UFL1: variants seen among roughly 807,000 people sequenced by gnomAD.
UFL1 encodes the protein E3 UFM1-protein ligase 1.
UFL1 carries 78 observed loss-of-function variants against 99.3 expected under a neutral mutation model. The observed-to-expected ratio is 0.79, with a 90% confidence interval of 0.65 to 0.95. The LOEUF (loss-of-function observed/expected upper bound fraction) is 0.95. Ranked by LOEUF, UFL1 falls within the 40% of genes least tolerant of loss-of-function variation. The pLI is 0.00. For missense variants in UFL1, 936 were observed against 937.0 expected, an observed-to-expected ratio of 1.00 and a Z score of 0.01; for synonymous variants, 335 against 322.2, an observed-to-expected ratio of 1.04 and a Z score of -0.42.
intron 6 of UFL1, among the ~76,000 whole-genome samples, chr6:96,529,467 A>G (rs1178371013): frequency 1.3e-5 from 2 of 152,190 alleles, no homozygotes; most frequent in Non-Finnish European, 2.9e-5. Flanking sequence ...TACTACATAT[A>G]TAGCACTGAT....
chr6:96,533,799 C>CAAA (rs5878435), intron 6 of UFL1, among the ~76,000 whole-genome samples: 19 of 113,702 alleles, frequency 1.7e-4, no homozygotes, highest in African/African-American at 3.8e-4. Context: ...TACTCAAAAG[C>CAAA]AAAAAAAAAA....
chr6:96,541,695 CAATT>C (rs1478602922), intron 11 of UFL1, among the ~76,000 whole-genome samples: 17 of 150,030 alleles, frequency 1.1e-4, no homozygotes, highest in African/African-American at 4.0e-4. Context: ...TTGCCTTACT[CAATT>C]GATGACTTAT....
intron 6 of UFL1, among the ~76,000 whole-genome samples, chr6:96,533,432 A>ACTTCCC (rs1395228090): frequency 2.0e-5 from 3 of 152,084 alleles, no homozygotes; most frequent in African/African-American, 7.2e-5. Context: ...GAAGGAATGA[A>ACTTCCC]CTACTGATGC....
intron 11 of UFL1, among the ~76,000 whole-genome samples, chr6:96,541,057 T>TG (rs935831503): frequency 1.3e-5 from 2 of 151,378 alleles, no homozygotes; most frequent in Non-Finnish European, 3.0e-5. Context: ...TGTAAGTAAC[T>TG]GGTGTATTCT....
rs560119007 is a variant in UFL1 at position 96,554,763 on chromosome 6, T to A, written c.*1260T>A. ...AATTAATTAAATTGCCAACTTGGCA[T>A]TATTATTAAACTTGATAGGAACGCA... On this transcript the variant is annotated 3_prime_UTR_variant, in exon 19 of 19. Coordinates refer to ENST00000369278, the MANE Select transcript of UFL1 (RefSeq NM_015323.5). 1 of 152,712 alleles carries A rather than the reference T, an allele frequency of 6.5e-6. No homozygotes were observed. The highest frequency in any genetic ancestry group is 1.9e-4 in the East Asian group (1 of 5,192). The allele number at this position is 152,712 out of a possible 1,614,324, so 9.5% of individuals were successfully genotyped here. A position where few individuals can be genotyped will look rare whatever the true frequency, so the allele number is the denominator to read the frequency against.
intron 11 of UFL1, among the ~76,000 whole-genome samples, 179 bp downstream of exon 11, chr6:96,540,834 TTGG>T (rs935888684): frequency 6.6e-6 from 1 of 151,546 alleles, no homozygotes; most frequent in African/African-American, 2.4e-5. Flanking sequence ...AATGGAAATA[TTGG>T]TGATTATGTT....
intron 9 of UFL1, among the ~76,000 whole-genome samples, chr6:96,538,368 TGTA>T (rs759628329): frequency 9.2e-5 from 14 of 151,812 alleles, no homozygotes; most frequent in South Asian, 6.2e-4. Flanking sequence ...ATGTGTGCCT[TGTA>T]GGTTTCAGTG....
At chr6:96,542,694 C>T (rs2127952129) in intron 11 of UFL1, among the ~76,000 whole-genome samples, 200 bp from the exon 12 acceptor site, 1 of 151,174 alleles carries the variant, frequency 6.6e-6, no homozygotes, top group African/African-American at 2.4e-5. Context: ...CAAAAGATTT[C>T]ATATTTTATT....
At chr6:96,531,137 C>T (rs552403030) in intron 6 of UFL1, among the ~76,000 whole-genome samples, 5 of 152,230 alleles carry the variant, frequency 3.3e-5, no homozygotes, top group Admixed American at 1.3e-4. Flanking sequence ...GGAACAGTTT[C>T]ATCCTGAAAC....
intron 12 of UFL1, among the ~76,000 whole-genome samples, chr6:96,545,745 T>G (rs1204928094): frequency 1.3e-5 from 2 of 151,300 alleles, no homozygotes; most frequent in African/African-American, 4.8e-5. Flanking sequence ...GGAAAACTCT[T>G]TATTATTTTC....
At position 96,540,619 on chromosome 6, in the gene UFL1, A is replaced by G; in HGVS notation, c.1243A>G (p.Lys415Glu). ...STLESVSTSK[K>E]DKKDERRRKA... is the part of the protein sequence containing the mutation. ...TTTAGAAAGCGTTAGTACAAGTAAA[A>G]AGGATAAAAAAGATGAGCGAAGAAG... The change falls in exon 11 of 19, where the codon AAG (lysine) becomes GAG (glutamate). Residue 415 changes from lysine to glutamate, a missense_variant. Physicochemically the swap from Lys to Glu is moderately conservative, Grantham distance 56. Coordinates refer to ENST00000369278, the MANE Select transcript of UFL1 (RefSeq NM_015323.5). 6.2e-7 allele frequency: 1 copy of G among 1,602,772 alleles called. No homozygotes were observed. The highest frequency in any genetic ancestry group is 8.5e-7 in the Non-Finnish European group (1 of 1,175,438).
intron 2 of UFL1, among the ~76,000 whole-genome samples, chr6:96,524,103 A>G (rs1483533840): frequency 1.3e-5 from 2 of 152,072 alleles, no homozygotes; most frequent in African/African-American, 4.8e-5. Context: ...AGGGAAATGA[A>G]TACCCTTCAT....
chr6:96,527,076 T>C (rs991319823), intron 5 of UFL1, among the ~76,000 whole-genome samples: 2 of 152,220 alleles, frequency 1.3e-5, no homozygotes, highest in South Asian at 2.1e-4. Flanking sequence ...AAATATCTTA[T>C]GTGTGATAAC....
At chr6:96,551,582 T>A in intron 16 of UFL1, 69 bp downstream of exon 16, 1 of 1,114,952 alleles carries the variant, frequency 9.0e-7, no homozygotes. Flanking sequence ...TGAGTAGATT[T>A]TTTTATCAGA....
In UFL1 at chr6:96,525,391, A is replaced by T. The variant is rs1343541230; in HGVS notation, c.347A>T (p.Asp116Val). 2 of 1,595,130 alleles carry T rather than the reference A, an allele frequency of 1.3e-6. No homozygotes were observed. Among genetic ancestry groups the T allele is most frequent in the Admixed American group, 1.7e-5 (1 of 58,048 alleles). ...CAGTTAGTGTTGGGACAACTGATAGATGAGTAAGTACAATAAAGTACAAAT... is the reference window on the plus strand; with the variant it reads ...CAGTTAGTGTTGGGACAACTGATAGTTGAGTAAGTACAATAAAGTACAAAT... ...HVQLVLGQLI[D>V]ENYLDRLAEE... The change falls in exon 4 of 19, where the codon GAT becomes GTT. Residue 116 changes from aspartate to valine, a missense_variant. By Grantham distance (152) the Asp-to-Val change is radical (BLOSUM62 -3). Coordinates refer to ENST00000369278, the MANE Select transcript of UFL1 (RefSeq NM_015323.5).
chr6:96,527,574 T>C (rs1435212157), intron 5 of UFL1, among the ~76,000 whole-genome samples: 2 of 152,156 alleles, frequency 1.3e-5, no homozygotes, highest in Non-Finnish European at 2.9e-5. Flanking sequence ...CCATTTATAG[T>C]ATAGATCTGT....
intron 6 of UFL1, among the ~76,000 whole-genome samples, chr6:96,530,731 C>T (rs1359377311): frequency 6.6e-6 from 1 of 152,172 alleles, no homozygotes; most frequent in Non-Finnish European, 1.5e-5. Flanking sequence ...AGGCTCAGTT[C>T]ATACTTTCCC....
intron 15 of UFL1, among the ~76,000 whole-genome samples, chr6:96,550,679 C>T (rs1770065553): frequency 6.6e-6 from 1 of 152,058 alleles, no homozygotes; most frequent in South Asian, 2.1e-4. Flanking sequence ...TTCCCTTCTT[C>T]TGCTTAAGAA....
chr6:96,554,151 A>C lies in UFL1; in HGVS notation c.*648A>C, dbSNP rs1466046530. 1 of 152,228 alleles carries C rather than the reference A, an allele frequency of 6.6e-6. No individual in the cohort carries two copies. The highest frequency in any genetic ancestry group is 1.9e-4 in the East Asian group (1 of 5,202). The allele number at this position is 152,228 out of a possible 1,614,324, so 9.4% of individuals were successfully genotyped here. On this transcript the variant is annotated 3_prime_UTR_variant, in exon 19 of 19. Transcript: ENST00000369278. ...ACAAGAACGCTAGAGTGGCCCATGCATTGCTGTGTTCTCTTCTAAAACAAG... is the reference window on the plus strand; with the variant it reads ...ACAAGAACGCTAGAGTGGCCCATGCCTTGCTGTGTTCTCTTCTAAAACAAG...
Sources: allele counts gnomAD v4.1 joint callset (sites outside exome capture counted in the v4.1 genomes callset), GRCh38; gene constraint gnomAD v4.1.1; transcripts MANE v1.5; gene names NCBI Gene and HGNC (gene_info 2026-07-23, HGNC 2026-07-21).